NKAIN3: variants seen among roughly 807,000 people sequenced by gnomAD.
The protein encoded by NKAIN3 is sodium/potassium-transporting ATPase subunit beta-1-interacting protein 3.
NKAIN3 carries 25 observed loss-of-function variants against 30.2 expected under a neutral mutation model. The observed-to-expected ratio is 0.83, with a 90% CI of 0.60 to 1.16. The LOEUF (loss-of-function observed/expected upper bound fraction) is 1.16, where lower values mean the gene tolerates loss of function less well. NKAIN3 is among the 50% of genes most tolerant of loss of function. The pLI is 0.00. For missense variants in NKAIN3, 225 were observed against 254.1 expected, an observed-to-expected ratio of 0.89 and a Z score of 0.78; for synonymous variants, 91 against 89.6, an observed-to-expected ratio of 1.02 and a Z score of -0.09.
At chr8:62,693,874 A>T (rs1814064100) in intron 3 of NKAIN3, among the ~76,000 whole-genome samples, 1 of 152,206 alleles carries the variant, frequency 6.6e-6, no homozygotes, top group Admixed American at 6.5e-5. Context: ...ACAGAAGTAC[A>T]TCATGACTTG....
chr8:62,852,290 C>T (rs941015474), intron 4 of NKAIN3, among the ~76,000 whole-genome samples: 19 of 152,070 alleles, frequency 1.2e-4, no homozygotes, highest in African/African-American at 4.3e-4. Context: ...TCTGTGGGAT[C>T]GGTGGTGATA....
At chr8:62,867,050 G>A (rs559365840) in intron 4 of NKAIN3, among the ~76,000 whole-genome samples, 1,152 of 114,504 alleles carry the variant, frequency 0.01, 9 homozygotes, top group African/African-American at 0.034. Flanking sequence ...GCGAGACTCC[G>A]TCTTAAAAAA....
At chr8:62,528,427 G>T (rs1405656998) in intron 1 of NKAIN3, among the ~76,000 whole-genome samples, 5 of 150,222 alleles carry the variant, frequency 3.3e-5, no homozygotes, top group Admixed American at 6.7e-5. Context: ...TGTCACTGTG[G>T]TGGGCTTTGT....
chr8:62,336,194 A>C (rs1403300393), intron 1 of NKAIN3, among the ~76,000 whole-genome samples: 1 of 152,036 alleles, frequency 6.6e-6, no homozygotes, highest in Non-Finnish European at 1.5e-5. Flanking sequence ...CTTCATATTC[A>C]GCATGTTCTG....
At chr8:62,697,096 C>T (rs1482529849) in intron 3 of NKAIN3, among the ~76,000 whole-genome samples, 3 of 152,124 alleles carry the variant, frequency 2.0e-5, no homozygotes, top group Admixed American at 6.5e-5. Flanking sequence ...CTGCAGCAGG[C>T]GTAATCCTTT....
At chr8:62,401,846 G>A (rs888369795) in intron 1 of NKAIN3, among the ~76,000 whole-genome samples, 2 of 152,130 alleles carry the variant, frequency 1.3e-5, no homozygotes, top group South Asian at 4.1e-4. Flanking sequence ...ACCATCATGG[G>A]GACTGCACCA....
At chr8:62,359,364 G>A (rs144929352) in intron 1 of NKAIN3, among the ~76,000 whole-genome samples, 1 of 152,290 alleles carries the variant, frequency 6.6e-6, no homozygotes, top group South Asian at 2.1e-4. Context: ...TATTCCTTTT[G>A]TTAACTGATA....
intron 3 of NKAIN3, among the ~76,000 whole-genome samples, chr8:62,615,334 G>T (rs1216991960): frequency 1.3e-5 from 2 of 152,118 alleles, no homozygotes; most frequent in Non-Finnish European, 2.9e-5. Flanking sequence ...TGGCTGAGCT[G>T]GTTTCCTAGA....
chr8:62,421,678 G>A (rs1026658811), intron 1 of NKAIN3, among the ~76,000 whole-genome samples: 1 of 151,730 alleles, frequency 6.6e-6, no homozygotes, highest in African/African-American at 2.4e-5. Flanking sequence ...GGCTGTGAAT[G>A]TACTCCCCAC....
chr8:62,398,737 G>T (rs1357563953), intron 1 of NKAIN3, among the ~76,000 whole-genome samples: 4 of 152,154 alleles, frequency 2.6e-5, no homozygotes, highest in African/African-American at 9.7e-5. Context: ...TCTTTATTTT[G>T]ATTACTCAGA....
chr8:62,953,420 G>T (rs925401303), intron 5 of NKAIN3, among the ~76,000 whole-genome samples: 7 of 152,206 alleles, frequency 4.6e-5, no homozygotes, highest in Non-Finnish European at 1.0e-4. Context: ...CAAAATCTTT[G>T]CAAAAGGCAG....
chr8:62,924,148 C>T (rs1356643365), intron 5 of NKAIN3, among the ~76,000 whole-genome samples: 1 of 152,174 alleles, frequency 6.6e-6, no homozygotes, highest in African/African-American at 2.4e-5. Context: ...ATCTGTTTTC[C>T]TGAATCCACC....
intron 1 of NKAIN3, among the ~76,000 whole-genome samples, chr8:62,495,718 G>T (rs533911013): frequency 9.2e-5 from 14 of 152,054 alleles, no homozygotes; most frequent in Non-Finnish European, 1.6e-4. Flanking sequence ...ATCTCAGTCT[G>T]TGCTAAGCCA....
At chr8:62,837,736 G>A (rs1055553640) in intron 4 of NKAIN3, among the ~76,000 whole-genome samples, 2 of 152,214 alleles carry the variant, frequency 1.3e-5, no homozygotes, top group South Asian at 4.1e-4. Flanking sequence ...ATGCTTTGGG[G>A]TTACTGAGGA....
At chr8:62,326,238 C>G (rs1815122890) in intron 1 of NKAIN3, among the ~76,000 whole-genome samples, 10 of 151,624 alleles carry the variant, frequency 6.6e-5, no homozygotes, top group African/African-American at 2.4e-4. Flanking sequence ...TAAGGCTATT[C>G]AATGAGGAAA....
chr8:62,584,914 A>G (rs1335754391), intron 2 of NKAIN3, among the ~76,000 whole-genome samples: 2 of 152,156 alleles, frequency 1.3e-5, no homozygotes, highest in Non-Finnish European at 2.9e-5. Context: ...GTGCCCATCT[A>G]TTGCTGTATT....
chr8:62,401,452 G>A (rs1803870287), intron 1 of NKAIN3, among the ~76,000 whole-genome samples: 1 of 151,924 alleles, frequency 6.6e-6, no homozygotes, highest in South Asian at 2.1e-4. Flanking sequence ...AGTTCATTTG[G>A]TGAATGCATG....
chr8:62,707,648 G>T (rs934412315), intron 3 of NKAIN3, among the ~76,000 whole-genome samples: 1 of 152,080 alleles, frequency 6.6e-6, no homozygotes, highest in Non-Finnish European at 1.5e-5. Flanking sequence ...TGTATAGATT[G>T]TGAAGATTTT....
rs1351084861 is a variant in NKAIN3, at chr8:62,984,347, A to T, written c.*18940A>T. The T allele has an allele frequency of 6.6e-6, 1 of 152,232 alleles. No individual in the cohort carries two copies. The highest frequency in any genetic ancestry group is 1.5e-5 in the Non-Finnish European group (1 of 68,040). The allele number at this position is 152,232 out of a possible 1,614,324, so 9.4% of individuals were successfully genotyped here. A position where few individuals can be genotyped will look rare whatever the true frequency, so the allele number is the denominator to read the frequency against. On this transcript the variant is annotated 3_prime_UTR_variant, in exon 7 of 7. Coordinates refer to ENST00000623646, the MANE Select transcript of NKAIN3 (RefSeq NM_001304533.3). ...CAAGAACATAGTACCTTCTATTTCTACTACATGTTTTTAATCTTTAACATT... is the reference window on the plus strand; with the variant it reads ...CAAGAACATAGTACCTTCTATTTCTTCTACATGTTTTTAATCTTTAACATT...
Sources: allele counts gnomAD v4.1 joint callset (sites outside exome capture counted in the v4.1 genomes callset), GRCh38; gene constraint gnomAD v4.1.1; transcripts MANE v1.5; gene names NCBI Gene and HGNC (gene_info 2026-07-23, HGNC 2026-07-21).